Variants in GABPB2 observed in about 807,000 individuals in gnomAD.
GABPB2 encodes the protein GA-binding protein subunit beta-2.
A neutral mutation model predicts 39.1 loss-of-function variants in GABPB2; 23 were observed. The observed-to-expected ratio is 0.59, with a 90% CI of 0.42 to 0.83. The LOEUF (loss-of-function observed/expected upper bound fraction) is 0.83, where lower values mean the gene tolerates loss of function less well. Ranked by LOEUF, GABPB2 falls within the 40% of genes least tolerant of loss-of-function variation. The probability of loss-of-function intolerance (pLI) is 0.00; values close to 1 mark genes in which losing one functional copy is unlikely to be tolerated. For missense variants in GABPB2, 467 were observed against 541.1 expected (o/e 0.86, Z 1.36); for synonymous variants, 184 against 199.3 (o/e 0.92, Z 0.65).
At position 151,090,460 on chromosome 1, in the gene GABPB2, G is replaced by A. The variant is rs1571922274; in HGVS notation, c.163G>A (p.Glu55Lys). The A allele has an allele frequency of 6.2e-7, 1 of 1,614,108 alleles. No individual in the cohort carries two copies. Among genetic ancestry groups the A allele is most frequent in the South Asian group, 1.1e-5 (1 of 91,072 alleles). ...TCAATATGGTCATTATTCCACAGCAGAAGTACTCCTTCGAGCAGGTGTTAG... is the reference window on the plus strand; with the variant it reads ...TCAATATGGTCATTATTCCACAGCAAAAGTACTCCTTCGAGCAGGTGTTAG... ...AAQYGHYSTA[E>K]VLLRAGVSRD... Residue 55 changes from glutamate (E) to lysine (K), a missense_variant, in exon 3 of 9, where the codon GAA becomes AAA. By Grantham distance (56) the Glu-to-Lys change is moderately conservative. Coordinates refer to ENST00000368918, the MANE Select transcript of GABPB2 (RefSeq NM_144618.3).
rs202090071 is a variant in GABPB2, at chr1:151,073,628, G to A, written c.-1+2694G>A. Among the ~76,000 whole-genome samples the A allele has an allele frequency of 3.4e-4, 51 of 152,210 alleles. No homozygotes were observed. In the East Asian group the frequency reaches 8.1e-3, roughly 24 times the overall value. On this transcript the variant is annotated intron_variant, in intron 1 of 8. Coordinates refer to ENST00000368918, the MANE Select transcript of GABPB2 (RefSeq NM_144618.3). ...TTTTAAGTGAAAGCAAGTTGCTTGA[G>A]AAAGTAAAGGAAGGCCGGCGCGGTG...
chr1:151,072,575 GTGGCTC>G (rs1381459151), intron 1 of GABPB2, among the ~76,000 whole-genome samples: 7 of 152,186 alleles, frequency 4.6e-5, no homozygotes, highest in Non-Finnish European at 1.0e-4. Context: ...GCCGGGCGTG[GTGGCTC>G]TGGCCTGTAA....
chr1:151,114,057 T>TA (rs1680664784), intron 7 of GABPB2, among the ~76,000 whole-genome samples: 1 of 151,920 alleles, frequency 6.6e-6, no homozygotes, highest in East Asian at 1.9e-4. Flanking sequence ...TATCTAAAAA[T>TA]AAAACTGGCT....
chr1:151,095,244 G>A (rs1679019334), intron 4 of GABPB2, among the ~76,000 whole-genome samples: 1 of 152,048 alleles, frequency 6.6e-6, no homozygotes, highest in Admixed American at 6.6e-5. Flanking sequence ...GAAAGAACGT[G>A]GAATGTTCAA....
chr1:151,080,868 TAAAA>T (rs201831450), intron 1 of GABPB2, among the ~76,000 whole-genome samples: 1 of 140,828 alleles, frequency 7.1e-6, no homozygotes, highest in African/African-American at 2.5e-5. Flanking sequence ...AAAAAAAAAA[TAAAA>T]AAGAAAGGTT....
chr1:151,079,283 G>A (rs1228468550), intron 1 of GABPB2, among the ~76,000 whole-genome samples: 1 of 152,042 alleles, frequency 6.6e-6, no homozygotes, highest in African/African-American at 2.4e-5. Flanking sequence ...GCTCACGCCT[G>A]TAATCCCAGC....
At chr1:151,078,731 C>T (rs587662809) in intron 1 of GABPB2, among the ~76,000 whole-genome samples, 389 of 152,148 alleles carry the variant, frequency 2.6e-3, no homozygotes, top group Middle Eastern at 0.01. Flanking sequence ...CCTCTGCCTC[C>T]CAGGTTCAAG....
Position 151,122,408 on chromosome 1 carries a change from C to T in GABPB2, c.*4152C>T, listed in dbSNP as rs1292468920. ...TGCAATGTTTTTATTTTTTCTGAGTCCCTTTGGGAACCAGGTGCTAACAAG... is the reference window on the plus strand; with the variant it reads ...TGCAATGTTTTTATTTTTTCTGAGTTCCTTTGGGAACCAGGTGCTAACAAG... On this transcript the variant is annotated 3_prime_UTR_variant, in exon 9 of 9. Coordinates refer to ENST00000368918, the MANE Select transcript of GABPB2 (RefSeq NM_144618.3). The T allele has an allele frequency of 4.6e-5, 7 of 152,022 alleles. No homozygotes were observed. Among genetic ancestry groups the T allele is most frequent in the Non-Finnish European group, 8.8e-5 (6 of 68,024 alleles). 9.4% of individuals were successfully genotyped at this position (152,022 alleles called of 1,614,324 possible). A position where few individuals can be genotyped will look rare whatever the true frequency, so the allele number is the denominator to read the frequency against.
chr1:151,088,544 A>G, intron 2 of GABPB2: 2 of 942,110 alleles, frequency 2.1e-6, no homozygotes, highest in East Asian at 3.8e-5. Flanking sequence ...ATTTTCTATA[A>G]TGTTTTTTAG....
chr1:151,096,885 T>A (rs1200257321), intron 4 of GABPB2, among the ~76,000 whole-genome samples: 1 of 152,138 alleles, frequency 6.6e-6, no homozygotes, highest in Non-Finnish European at 1.5e-5. Flanking sequence ...AATTACTTTT[T>A]AGGCTATTCA....
rs754717690 is a variant in GABPB2, at chr1:151,088,176, T to C, written c.1-14T>C. On this transcript the variant is annotated splice_polypyrimidine_tract_variant and intron_variant, in intron 1 of 8. Transcript: ENST00000368918. ...GTTATAGCTACCTGAAAACTTTTGT[T>C]CCTATGCATAAAGATGTCTTTGGTG... 4 of 1,601,262 alleles carry C rather than the reference T, an allele frequency of 2.5e-6. No homozygotes were observed. In the South Asian group the frequency reaches 4.4e-5, roughly 18 times the overall value.
chr1:151,082,061 T>G (rs1379488393), intron 1 of GABPB2, among the ~76,000 whole-genome samples: 1 of 151,360 alleles, frequency 6.6e-6, no homozygotes. Flanking sequence ...ACTTGACAAG[T>G]GGTAATTTCT....
rs983883129 is a variant in GABPB2 at position 151,122,906 on chromosome 1, G to A, written c.*4650G>A. 5 of 151,936 alleles carry A rather than the reference G, an allele frequency of 3.3e-5. No homozygotes were observed. The highest frequency in any genetic ancestry group is 9.7e-5 in the African/African-American group (4 of 41,372). The allele number at this position is 151,936 out of a possible 1,614,324, so 9.4% of individuals were successfully genotyped here. A position where few individuals can be genotyped will look rare whatever the true frequency, so the allele number is the denominator to read the frequency against. ...AAAAGGCATTGATTTTTATTTACTCGGAACGGTCCTCTTGGCATCCCAGAT... is the reference window on the plus strand; with the variant it reads ...AAAAGGCATTGATTTTTATTTACTCAGAACGGTCCTCTTGGCATCCCAGAT... On this transcript the variant is annotated 3_prime_UTR_variant, in exon 9 of 9. Transcript: ENST00000368918.
intron 1 of GABPB2, among the ~76,000 whole-genome samples, chr1:151,086,276 C>G (rs1282399097): frequency 6.6e-6 from 1 of 151,984 alleles, no homozygotes; most frequent in Non-Finnish European, 1.5e-5. Flanking sequence ...TGTATACTTC[C>G]CATTTTGTCA....
intron 4 of GABPB2, among the ~76,000 whole-genome samples, chr1:151,096,454 A>C (rs1182616742): frequency 6.6e-6 from 1 of 151,866 alleles, no homozygotes; most frequent in Non-Finnish European, 1.5e-5. Context: ...CAGAGAAAGC[A>C]AGCAAGCAAG....
chr1:151,089,432 TGA>T (rs1678480485), intron 2 of GABPB2, among the ~76,000 whole-genome samples: 1 of 152,220 alleles, frequency 6.6e-6, no homozygotes, highest in Non-Finnish European at 1.5e-5. Context: ...AAGTGGATGC[TGA>T]TAGATAACTC....
intron 4 of GABPB2, among the ~76,000 whole-genome samples, chr1:151,097,452 G>A (rs940892327): frequency 3.9e-5 from 6 of 151,950 alleles, no homozygotes; most frequent in African/African-American, 1.2e-4. Context: ...GATGGGAGTG[G>A]AATATGCTGT....
Position 151,090,527 on chromosome 1 carries a change from T to G in GABPB2, c.230T>G (p.Met77Arg). 6.2e-7 allele frequency: 1 copy of G among 1,614,092 alleles called. No homozygotes were observed. Among genetic ancestry groups the G allele is most frequent in the East Asian group, 2.2e-5 (1 of 44,886 alleles). ...RTKVDRTPLH[M>R]AAADGHAHIV... ...AAAGTAGACAGGACCCCCTTGCACATGGCTGCAGCCGATGGACATGCGCAC... is the reference window on the plus strand; with the variant it reads ...AAAGTAGACAGGACCCCCTTGCACAGGGCTGCAGCCGATGGACATGCGCAC... The change falls in exon 3 of 9, where the codon ATG becomes AGG. Residue 77 changes from methionine (M) to arginine (R), a missense_variant. Transcript: ENST00000368918.
chr1:151,099,905 G>T (rs587657084), intron 5 of GABPB2, among the ~76,000 whole-genome samples: 53 of 152,286 alleles, frequency 3.5e-4, no homozygotes, highest in African/African-American at 1.3e-3. Context: ...CCATTTTATA[G>T]TAGGGCTTCA....
Sources: gnomAD v4.1 joint callset for allele counts (sites outside exome capture counted in the v4.1 genomes callset) on GRCh38, gnomAD v4.1.1 for gene constraint, MANE v1.5 for transcripts, NCBI Gene and HGNC (gene_info 2026-07-23, HGNC 2026-07-21) for gene names.